OXR1: variants seen among roughly 807,000 people sequenced by gnomAD.
OXR1 encodes the protein oxidation resistance 1.
In OXR1, 41 loss-of-function variants were observed where a neutral mutation model predicts 104.6. The observed-to-expected ratio is 0.39, with a 90% CI of 0.31 to 0.51. OXR1 has a LOEUF of 0.51. Among genes scored for constraint, OXR1 ranks in the 20% least tolerant of loss-of-function variants. The pLI is 0.77. For missense variants in OXR1, 955 were observed against 1,031.9 expected, an observed-to-expected ratio of 0.93 and a Z score of 1.02; for synonymous variants, 348 against 348.4, an observed-to-expected ratio of 1.00 and a Z score of 0.01.
chr8:106,355,706 C>CT (rs974223444), intron 1 of OXR1, among the ~76,000 whole-genome samples: 1 of 150,378 alleles, frequency 6.6e-6, no homozygotes, highest in Non-Finnish European at 1.5e-5. Flanking sequence ...TTTTCTTTTT[C>CT]TTTTTTTTAA....
intron 2 of OXR1, among the ~76,000 whole-genome samples, chr8:106,467,210 C>A (rs1247851076): frequency 6.6e-6 from 1 of 151,916 alleles, no homozygotes; most frequent in Non-Finnish European, 1.5e-5. Flanking sequence ...TCACTTACTT[C>A]CTTCATTCTG....
chr8:106,298,954 TTGTA>T (rs1441873026), intron 1 of OXR1, among the ~76,000 whole-genome samples: 2 of 152,184 alleles, frequency 1.3e-5, no homozygotes, highest in South Asian at 2.1e-4. Context: ...TATGTGTATT[TTGTA>T]TGTATGTGTG....
At chr8:106,428,648 A>C (rs1317549997) in intron 2 of OXR1, among the ~76,000 whole-genome samples, 3 of 151,728 alleles carry the variant, frequency 2.0e-5, no homozygotes. Flanking sequence ...ACAAACTGTA[A>C]ATGACACTAG....
chr8:106,458,317 A>C (rs958577722), intron 2 of OXR1, among the ~76,000 whole-genome samples: 24 of 152,056 alleles, frequency 1.6e-4, no homozygotes, highest in Non-Finnish European at 3.1e-4. Flanking sequence ...GGCTGCCCCA[A>C]CTGTGGCTCA....
intron 2 of OXR1, among the ~76,000 whole-genome samples, chr8:106,488,880 TG>T (rs1218845927): frequency 6.6e-6 from 1 of 151,782 alleles, no homozygotes; most frequent in African/African-American, 2.4e-5. Context: ...TTTGTTCTTT[TG>T]GCTTAGTATT....
At chr8:106,296,235 C>T (rs930464672) in intron 1 of OXR1, among the ~76,000 whole-genome samples, 2 of 152,154 alleles carry the variant, frequency 1.3e-5, no homozygotes, top group African/African-American at 4.8e-5. Flanking sequence ...ATCAATTGTT[C>T]TATCAACTTT....
chr8:106,349,883 G>A (rs1021324884), intron 1 of OXR1, among the ~76,000 whole-genome samples: 1 of 152,318 alleles, frequency 6.6e-6, no homozygotes, highest in Admixed American at 6.5e-5. Flanking sequence ...GCGGAGTGGA[G>A]TCTGACAGAA....
intron 3 of OXR1, among the ~76,000 whole-genome samples, chr8:106,556,027 G>A (rs954261852): frequency 9.9e-5 from 15 of 150,958 alleles, no homozygotes; most frequent in African/African-American, 3.6e-4. Flanking sequence ...AAAAAACTTA[G>A]TTAAATGAAG....
At chr8:106,698,698 G>A (rs1479209265) in intron 7 of OXR1, among the ~76,000 whole-genome samples, 1 of 151,692 alleles carries the variant, frequency 6.6e-6, no homozygotes, top group Non-Finnish European at 1.5e-5. Context: ...CTCACACATT[G>A]CAATTTTTCT....
At chr8:106,563,303 A>G (rs1414410518) in intron 3 of OXR1, among the ~76,000 whole-genome samples, 2 of 151,196 alleles carry the variant, frequency 1.3e-5, no homozygotes, top group Admixed American at 6.6e-5. Flanking sequence ...AAGCAAAAAA[A>G]AAAAAAAAAA....
chr8:106,311,776 A>G (rs1813711943), intron 1 of OXR1, among the ~76,000 whole-genome samples: 2 of 152,128 alleles, frequency 1.3e-5, no homozygotes, highest in Non-Finnish European at 2.9e-5. Context: ...TGTCAAGTGA[A>G]TTTGCTTGTT....
At chr8:106,431,876 A>G (rs547569931) in intron 2 of OXR1, among the ~76,000 whole-genome samples, 5 of 152,312 alleles carry the variant, frequency 3.3e-5, no homozygotes, top group East Asian at 1.9e-4. Flanking sequence ...TAAAACCCCA[A>G]TGTAGCAAAT....
intron 2 of OXR1, among the ~76,000 whole-genome samples, chr8:106,410,481 A>G (rs1307227839): frequency 1.3e-5 from 2 of 152,182 alleles, no homozygotes; most frequent in Non-Finnish European, 2.9e-5. Context: ...CATTAGTACA[A>G]ACTCAACCTG....
intron 7 of OXR1, among the ~76,000 whole-genome samples, chr8:106,698,313 A>G (rs932101973): frequency 2.0e-5 from 3 of 152,144 alleles, no homozygotes; most frequent in African/African-American, 7.2e-5. Context: ...CTTTGGTTGC[A>G]CTTAAGATGT....
intron 3 of OXR1, among the ~76,000 whole-genome samples, chr8:106,662,290 G>T (rs1283875528): frequency 1.3e-5 from 2 of 152,038 alleles, no homozygotes; most frequent in Non-Finnish European, 2.9e-5. Context: ...AAGTTAAGTG[G>T]GAATGTATTA....
chr8:106,454,269 T>C (rs1185863229), intron 2 of OXR1, among the ~76,000 whole-genome samples: 1 of 151,966 alleles, frequency 6.6e-6, no homozygotes, highest in Non-Finnish European at 1.5e-5. Context: ...GAGACCAGCC[T>C]GGGCAACATG....
chr8:106,638,331 A>T (rs1055009193), intron 3 of OXR1, among the ~76,000 whole-genome samples: 2 of 151,712 alleles, frequency 1.3e-5, no homozygotes, highest in African/African-American at 2.4e-5. Context: ...GTCGTATTTT[A>T]TCTATTCTAA....
rs556567792 is a variant in OXR1, at chr8:106,389,165, G to A, written c.23+29529G>A. Among the ~76,000 whole-genome samples, 26 of 152,256 alleles carry A rather than the reference G, an allele frequency of 1.7e-4. No individual in the cohort carries two copies. The South Asian group carries it at 4.1e-3, about 24-fold the overall frequency. On this transcript the variant is annotated intron_variant, in intron 2 of 16. Transcript: ENST00000517566. The stretch of plus-strand genomic sequence containing the variant: ...CAGAGTAATAATTAATTTTTGTAAT[G>A]ATGACATTGAGTCATTATGAAAAGG...
chr8:106,453,329 A>C (rs1820427774), intron 2 of OXR1, among the ~76,000 whole-genome samples: 3 of 152,202 alleles, frequency 2.0e-5, no homozygotes, highest in Non-Finnish European at 4.4e-5. Context: ...CCAAAGGTAA[A>C]GTACATGGAC....
Sources: allele counts gnomAD v4.1 joint callset (sites outside exome capture counted in the v4.1 genomes callset), GRCh38; gene constraint gnomAD v4.1.1; transcripts MANE v1.5; gene names NCBI Gene and HGNC (gene_info 2026-07-23, HGNC 2026-07-21).